Variants in CTNS observed in about 807,000 individuals in gnomAD.
The protein encoded by CTNS is cystinosin, lysosomal cystine transporter, also known as cystinosin.
CTNS carries 27 observed loss-of-function variants against 43.7 expected under a neutral mutation model. That is an observed-to-expected ratio of 0.62 (90% CI 0.46 to 0.85). The LOEUF (loss-of-function observed/expected upper bound fraction) is 0.85, where lower values mean the gene tolerates loss of function less well. Ranked by LOEUF, CTNS falls within the 40% of genes least tolerant of loss-of-function variation. The pLI, the probability that CTNS is intolerant of heterozygous loss-of-function variation, is 0.00. For missense variants in CTNS, 457 were observed against 475.4 expected, an observed-to-expected ratio of 0.96 and a Z score of 0.36; for synonymous variants, 187 against 190.6, an observed-to-expected ratio of 0.98 and a Z score of 0.16.
At chr17:3,647,317 T>A (rs1285318350) in intron 3 of CTNS, 127 bp from the exon 4 acceptor site, 2 of 808,476 alleles carry the variant, frequency 2.5e-6, no homozygotes, top group Middle Eastern at 4.5e-4. Context: ...TGCAGTCCCA[T>A]CACAGAATAG....
chr17:3,640,086 G>C, intron 2 of CTNS, 102 bp from the exon 3 acceptor site: 1 of 927,156 alleles, frequency 1.1e-6, no homozygotes, highest in Admixed American at 1.7e-5. Context: ...TCAGGTGGCA[G>C]TCCTTTATGA....
rs142067001 is a variant in CTNS at position 3,653,626 on chromosome 17, A to G, written c.226-1372A>G. ...TGCGGTGGCTCACACCTGTAATCCCAGCACTTTGGGAGGCCAAGGTGGGTG... is the reference window on the plus strand; with the variant it reads ...TGCGGTGGCTCACACCTGTAATCCCGGCACTTTGGGAGGCCAAGGTGGGTG... On this transcript the variant is annotated intron_variant, in intron 5 of 11. Transcript: ENST00000046640. 6.5e-3 allele frequency among the ~76,000 whole-genome samples: 987 copies of G among 152,236 alleles called. 5 individuals carry two copies. Among genetic ancestry groups the G allele is most frequent in the African/African-American group, 0.022 (934 of 41,542 alleles).
chr17:3,654,850 G>C, intron 5 of CTNS, 148 bp from the exon 6 acceptor site: 1 of 738,814 alleles, frequency 1.4e-6, no homozygotes, highest in South Asian at 1.4e-5. Flanking sequence ...TGGGCGCAGC[G>C]TCTCTCCTTT....
chr17:3,640,034 G>A (rs906812057), intron 2 of CTNS, 154 bp from the exon 3 acceptor site: 2 of 687,314 alleles, frequency 2.9e-6, no homozygotes, highest in African/African-American at 1.8e-5. Flanking sequence ...TCTCTAGGGT[G>A]TCCCTCTGAG....
At position 3,648,943 on chromosome 17, in the gene CTNS, A is replaced by G. The variant is rs369126103; in HGVS notation, c.225+12A>G. On this transcript the variant is annotated intron_variant, in intron 5 of 11. Transcript: ENST00000046640. ...AGCTCCCCGATGAAGTAAGTAACCA[A>G]TCTTAACGGATGGGTAGGGAAATGC... 1.6e-5 allele frequency: 26 copies of G among 1,581,366 alleles called. 1 individual carries two copies. The highest frequency in any genetic ancestry group is 6.6e-5 in the South Asian group (6 of 90,424).
At chr17:3,649,120 T>C (rs1249617039) in intron 5 of CTNS, among the ~76,000 whole-genome samples, 189 bp downstream of exon 5, 2 of 152,074 alleles carry the variant, frequency 1.3e-5, no homozygotes, top group African/African-American at 4.8e-5. Flanking sequence ...AAGAAGGTGA[T>C]AGTGAGGAAC....
intron 9 of CTNS, 83 bp downstream of exon 9, chr17:3,656,878 G>A: frequency 1.3e-6 from 2 of 1,595,348 alleles, no homozygotes; most frequent in Non-Finnish European, 1.7e-6. Flanking sequence ...ACACGGCAGA[G>A]CCTGGGAAAG....
In CTNS at chr17:3,658,456, T is replaced by C. The variant is rs12325801; in HGVS notation, c.852+281T>C. Among the ~76,000 whole-genome samples the C allele has an allele frequency of 0.13, 20,365 of 152,230 alleles. 2,954 individuals are homozygous for C. Among genetic ancestry groups the C allele is most frequent in the African/African-American group, 0.36 (15,102 of 41,528 alleles). On this transcript the variant is annotated intron_variant, in intron 10 of 11. Transcript: ENST00000046640. ...GTTCCCCTTCTCCACACCCCAGCCT[T>C]TCCTGATGCCTTTGGCTCTGCCCTC...
At chr17:3,653,604 G>A (rs888547359) in intron 5 of CTNS, among the ~76,000 whole-genome samples, 3 of 152,016 alleles carry the variant, frequency 2.0e-5, no homozygotes, top group African/African-American at 7.2e-5. Flanking sequence ...CACTGGGTGC[G>A]GTGGCTCACA....
At chr17:3,650,847 G>C (rs1016698378) in intron 5 of CTNS, among the ~76,000 whole-genome samples, 11 of 152,142 alleles carry the variant, frequency 7.2e-5, no homozygotes, top group African/African-American at 2.7e-4. Flanking sequence ...CTGTCGCCCA[G>C]GTTGGAGTAA....
chr17:3,655,048 A>C lies in CTNS; in HGVS notation c.276A>C (p.Gln92His), dbSNP rs2076093710. Residue 92 changes from glutamine (Q) to histidine (H), a missense_variant, in exon 6 of 12, where the codon CAA becomes CAC. By Grantham distance (24) the Gln-to-His change is conservative (BLOSUM62 0). Transcript: ENST00000046640. ...VTNSSFQVTS[Q>H]NVGQLTVYLH... ...ACTCCTCTTTTCAAGTGACATCTCA[A>C]AATGTTGGACAACTTACTGTTTATC... The C allele has an allele frequency of 6.2e-7, 1 of 1,614,140 alleles. No homozygotes were observed. The highest frequency in any genetic ancestry group is 1.1e-5 in the South Asian group (1 of 91,088).
At position 3,647,483 on chromosome 17, in the gene CTNS, T is replaced by C. The variant is rs2075871154; in HGVS notation, c.101T>C (p.Leu34Pro). 2.5e-6 allele frequency: 4 copies of C among 1,614,174 alleles called. No individual in the cohort carries two copies. The highest frequency in any genetic ancestry group is 3.4e-6 in the Non-Finnish European group (4 of 1,180,010). ...VSLTVPPVVK[L>P]ENGSSTNVSL... is the part of the protein sequence containing the mutation. ...CTCACTGTTCCTCCTGTCGTAAAGC[T>C]GGAGAACGGCAGCTCGACCAACGTC... The change falls in exon 4 of 12, where the codon CTG (leucine) becomes CCG (proline). Residue 34 changes from leucine (L) to proline (P), a missense_variant. Physicochemically the swap from Leu to Pro is moderately conservative, Grantham distance 98. Transcript: ENST00000046640.
At chr17:3,652,136 C>T (rs1015261546) in intron 5 of CTNS, among the ~76,000 whole-genome samples, 3 of 152,142 alleles carry the variant, frequency 2.0e-5, no homozygotes, top group African/African-American at 7.2e-5. Flanking sequence ...TGCTGGAAGC[C>T]TCTGGTTAGA....
intron 5 of CTNS, among the ~76,000 whole-genome samples, chr17:3,649,747 G>A (rs1597626337): frequency 7.4e-6 from 1 of 135,350 alleles, no homozygotes; most frequent in Non-Finnish European, 1.7e-5. Context: ...ATCTATTTGT[G>A]TGTACCCTGC....
At chr17:3,637,475 T>TG (rs1247868027) in intron 2 of CTNS, among the ~76,000 whole-genome samples, 159 bp downstream of exon 2, 1 of 151,974 alleles carries the variant, frequency 6.6e-6, no homozygotes, top group Non-Finnish European at 1.5e-5. Context: ...ATTTTTTTTT[T>TG]TTTTTTGAGA....
At chr17:3,638,646 C>T (rs7209169) in intron 2 of CTNS, among the ~76,000 whole-genome samples, 1,831 of 152,312 alleles carry the variant, frequency 0.012, 44 homozygotes, top group African/African-American at 0.042. Context: ...GGAATGTTTG[C>T]TGACCAAGTC....
chr17:3,657,479 C>G lies in CTNS; in HGVS notation c.682-526C>G, dbSNP rs989350918. 3 of 207,474 alleles carry G rather than the reference C, an allele frequency of 1.4e-5. No homozygotes were observed. The South Asian group carries it at 2.6e-4, about 18-fold the overall frequency. The allele number at this position is 207,474 out of a possible 1,614,324, so 12.9% of individuals were successfully genotyped here. On this transcript the variant is annotated intron_variant, in intron 9 of 11. Transcript: ENST00000046640. Reference sequence around the variant, plus strand: ...CAGCTGGGGGCTGTCTGGCCCCACCCGTATGAACCTTCTAGGCTTTCTTAG... The same window carrying G: ...CAGCTGGGGGCTGTCTGGCCCCACCGGTATGAACCTTCTAGGCTTTCTTAG...
rs545325855 is a variant in CTNS at position 3,648,784 on chromosome 17, G to A, written c.141-63G>A. The A allele has an allele frequency of 1.5e-4, 199 of 1,328,460 alleles. 3 individuals carry two copies. The South Asian group carries it at 2.0e-3, about 13-fold the overall frequency. The allele number at this position is 1,328,460 out of a possible 1,614,324, so 82.3% of individuals were successfully genotyped here. ...AGTTGAAGGCCAGATGTGAAATCCAGAGGGTTGGTTGAGATCTCACTGTCC... is the reference window on the plus strand; with the variant it reads ...AGTTGAAGGCCAGATGTGAAATCCAAAGGGTTGGTTGAGATCTCACTGTCC... On this transcript the variant is annotated intron_variant, in intron 4 of 11. Transcript: ENST00000046640.
chr17:3,642,159 GTGTGTGC>G (rs2075735595), intron 3 of CTNS, among the ~76,000 whole-genome samples: 1 of 131,994 alleles, frequency 7.6e-6, no homozygotes, highest in Non-Finnish European at 1.7e-5. Flanking sequence ...GTGTGTGTGT[GTGTGTGC>G]CCAGTCGCTC....
Sources: allele counts gnomAD v4.1 joint callset (sites outside exome capture counted in the v4.1 genomes callset), GRCh38; gene constraint gnomAD v4.1.1; transcripts MANE v1.5; gene names NCBI Gene and HGNC (gene_info 2026-07-23, HGNC 2026-07-21).